The following PSD3 variants were observed in gnomAD, a reference collection of about 807,000 sequenced individuals.
PSD3 encodes the protein pleckstrin and Sec7 domain containing 3.
PSD3 carries 49 observed loss-of-function variants against 105.5 expected under a neutral mutation model. That is an observed-to-expected ratio of 0.46 (90% CI 0.37 to 0.59). The LOEUF (loss-of-function observed/expected upper bound fraction) is 0.59, where lower values mean the gene tolerates loss of function less well. Ranked by LOEUF, PSD3 falls within the 20% of genes least tolerant of loss-of-function variation. The pLI is 0.00. For missense variants in PSD3, 1,561 were observed against 1,263.8 expected (o/e 1.24, Z -3.57); for synonymous variants, 557 against 457.8 (o/e 1.22, Z -2.77).
At chr8:18,982,163 C>G (rs968080955) in intron 1 of PSD3, among the ~76,000 whole-genome samples, 19 of 152,216 alleles carry the variant, frequency 1.2e-4, no homozygotes, top group Admixed American at 5.9e-4. Flanking sequence ...AATCCCATCT[C>G]AAGAAACCAC....
intron 9 of PSD3, among the ~76,000 whole-genome samples, chr8:18,687,554 G>A (rs939455651): frequency 8.0e-5 from 12 of 150,592 alleles, no homozygotes; most frequent in Non-Finnish European, 1.5e-4. Flanking sequence ...ATACAAAAAA[G>A]TATGAAGTGA....
At chr8:18,772,846 C>G (rs1401098926) in intron 8 of PSD3, among the ~76,000 whole-genome samples, 1 of 152,114 alleles carries the variant, frequency 6.6e-6, no homozygotes, top group Admixed American at 6.6e-5. Flanking sequence ...GGATAAATAT[C>G]TATTAAAGTA....
At position 18,804,493 on chromosome 8, in the gene PSD3, T is replaced by C. The variant is rs749417290; in HGVS notation, c.1910+29A>G. 5.9e-6 allele frequency: 9 copies of C among 1,537,584 alleles called. No individual in the cohort carries two copies. In the South Asian group the frequency reaches 1.0e-4, roughly 18 times the overall value. On this transcript the variant is annotated intron_variant, in intron 6 of 15. Transcript: ENST00000327040. ...CTAAGAACTAATCATTTGAAAGCAA[T>C]GACGAGCAGCAAGGAGGCTTAGTCA...
At chr8:18,568,037 A>C (rs1801902148) in intron 14 of PSD3, among the ~76,000 whole-genome samples, 1 of 152,168 alleles carries the variant, frequency 6.6e-6, no homozygotes, top group South Asian at 2.1e-4. Flanking sequence ...CTCTCTTGCC[A>C]TGTGACACAT....
chr8:18,801,124 T>C (rs796403581), intron 7 of PSD3, 146 bp downstream of exon 7: 18 of 493,612 alleles, frequency 3.6e-5, no homozygotes, highest in South Asian at 8.6e-5. Flanking sequence ...AAATATTAAA[T>C]AGACTAGAAT....
intron 2 of PSD3, among the ~76,000 whole-genome samples, chr8:18,884,085 C>T (rs1010394125): frequency 5.3e-5 from 8 of 151,914 alleles, no homozygotes; most frequent in Non-Finnish European, 1.2e-4. Context: ...GTTCCAAAGA[C>T]GAGGGCAGGA....
intron 12 of PSD3, among the ~76,000 whole-genome samples, chr8:18,592,895 G>A (rs1311808675): frequency 6.6e-6 from 1 of 152,238 alleles, no homozygotes; most frequent in East Asian, 1.9e-4. Context: ...TTTAACAAAT[G>A]GTGCTGGGAA....
At chr8:18,677,772 G>T (rs1800140995) in intron 9 of PSD3, among the ~76,000 whole-genome samples, 1 of 152,156 alleles carries the variant, frequency 6.6e-6, no homozygotes, top group Admixed American at 6.5e-5. Context: ...AGCACTGTGG[G>T]AGGCGAGGCG....
chr8:18,912,724 T>C (rs1270598645), intron 2 of PSD3, among the ~76,000 whole-genome samples: 1 of 152,172 alleles, frequency 6.6e-6, no homozygotes, highest in East Asian at 1.9e-4. Context: ...AACCTGATGT[T>C]GAAGTTCAGA....
At chr8:18,743,286 C>G (rs1319571917) in intron 9 of PSD3, among the ~76,000 whole-genome samples, 1 of 152,130 alleles carries the variant, frequency 6.6e-6, no homozygotes, top group Non-Finnish European at 1.5e-5. Context: ...ACTCCTACAG[C>G]TTCTTTTCAT....
chr8:18,748,885 G>C (rs967858164), intron 9 of PSD3, among the ~76,000 whole-genome samples: 1 of 152,170 alleles, frequency 6.6e-6, no homozygotes, highest in African/African-American at 2.4e-5. Context: ...TACAAAAGGA[G>C]AGTGGGAGAC....
At chr8:18,880,227 T>G (rs949443786) in intron 2 of PSD3, among the ~76,000 whole-genome samples, 8 of 152,234 alleles carry the variant, frequency 5.3e-5, no homozygotes, top group Non-Finnish European at 1.0e-4. Context: ...ATTATTGTTT[T>G]AAGATTTTTT....
chr8:18,614,339 A>AGCC (rs1805491698), intron 11 of PSD3, among the ~76,000 whole-genome samples: 1 of 77,206 alleles, frequency 1.3e-5, no homozygotes, highest in African/African-American at 5.0e-5. Flanking sequence ...CTTCTCCCCC[A>AGCC]TCCCCCCCCC....
chr8:18,766,839 T>C (rs1435358913), intron 8 of PSD3, among the ~76,000 whole-genome samples: 1 of 152,252 alleles, frequency 6.6e-6, no homozygotes, highest in Non-Finnish European at 1.5e-5. Flanking sequence ...ACAGGCCACC[T>C]GCACATGCAG....
chr8:18,630,418 G>A (rs1333126069), intron 11 of PSD3, among the ~76,000 whole-genome samples: 1 of 151,894 alleles, frequency 6.6e-6, no homozygotes, highest in African/African-American at 2.4e-5. Flanking sequence ...CTCCAATAGA[G>A]GAGGTTTCCT....
rs376255389 is a variant in PSD3, at chr8:19,069,927, T to A, written c.324+14279A>T. Among the ~76,000 whole-genome samples the A allele has an allele frequency of 4.9e-4, 73 of 148,252 alleles. 1 individual carries two copies. The highest frequency in any genetic ancestry group is 1.7e-3 in the African/African-American group (71 of 40,740). On this transcript the variant is annotated intron_variant, in intron 1 of 1. Transcript: ENST00000521475. ...TCTGGCAGTTCTGCACAAACTCTCA[T>A]CTCAAAAAGCTTTTCTTTTTTCTTT... is the stretch of plus-strand genomic sequence containing the variant.
At chr8:18,594,134 A>AT (rs1175798134) in intron 12 of PSD3, among the ~76,000 whole-genome samples, 2,418 of 47,878 alleles carry the variant, frequency 0.051, 564 homozygotes, top group South Asian at 0.098. Flanking sequence ...AATATATATT[A>AT]TATATATATT....
chr8:18,878,815 T>G (rs544597232), intron 2 of PSD3, among the ~76,000 whole-genome samples: 1 of 152,256 alleles, frequency 6.6e-6, no homozygotes, highest in Admixed American at 6.5e-5. Context: ...AAGCATAATG[T>G]TACTCACGCC....
At chr8:18,587,683 G>C (rs1803292459) in intron 12 of PSD3, among the ~76,000 whole-genome samples, 1 of 152,106 alleles carries the variant, frequency 6.6e-6, no homozygotes, top group African/African-American at 2.4e-5. Flanking sequence ...TCTTCAGTAA[G>C]ATTTTTCCAC....
Sources: gnomAD v4.1 joint callset for allele counts (sites outside exome capture counted in the v4.1 genomes callset) on GRCh38, gnomAD v4.1.1 for gene constraint, MANE v1.5 for transcripts, NCBI Gene and HGNC (gene_info 2026-07-23, HGNC 2026-07-21) for gene names.